The following LRP4 variants were observed in gnomAD, a reference collection of about 807,000 sequenced individuals.
LRP4 encodes low-density lipoprotein receptor-related protein 4.
In LRP4, 95 loss-of-function variants were observed where a neutral mutation model predicts 220.3. The observed-to-expected ratio is 0.43, with a 90% CI of 0.37 to 0.51. The LOEUF (loss-of-function observed/expected upper bound fraction) is 0.51. Among genes scored for constraint, LRP4 ranks in the 20% least tolerant of loss-of-function variants. The pLI is 0.00. For synonymous variants in LRP4, 903 were observed against 954.6 expected (o/e 0.95, Z 1.00); for missense variants, 1,925 against 2,567.0 (o/e 0.75, Z 5.40).
At chr11:46,879,450 T>C in intron 20 of LRP4, 135 bp from the exon 21 acceptor site, 1 of 816,036 alleles carries the variant, frequency 1.2e-6, no homozygotes. Flanking sequence ...GAGCTACTTA[T>C]AAAATCTCTC....
chr11:46,886,367 A>G lies in LRP4; in HGVS notation c.2382T>C (p.Thr794=). Residue 794 remains threonine, a synonymous_variant, in exon 17 of 38, where the codon ACT becomes ACC. Coordinates refer to ENST00000378623, the MANE Select transcript of LRP4 (RefSeq NM_002334.4). ...DDHVYWTDVS[T]DTISRAKWDG... ...CCCACTTGGCCCTGCTGATGGTATC[A>G]GTGCTGACATCTGTCCAGTACACGT... 6.2e-7 allele frequency: 1 copy of G among 1,602,886 alleles called. No homozygotes were observed. Among genetic ancestry groups the G allele is most frequent in the Non-Finnish European group, 8.5e-7 (1 of 1,173,980 alleles).
At chr11:46,864,381 C>T (rs951017532) in intron 36 of LRP4, 67 bp downstream of exon 36, 33 of 1,207,392 alleles carry the variant, frequency 2.7e-5, no homozygotes, top group African/African-American at 7.5e-5. Context: ...TGCAGAGCTT[C>T]GGGAGATCCC....
At chr11:46,907,769 C>A (rs1411401267) in intron 1 of LRP4, among the ~76,000 whole-genome samples, 2 of 152,208 alleles carry the variant, frequency 1.3e-5, no homozygotes, top group Non-Finnish European at 2.9e-5. Flanking sequence ...GGTTCTACCA[C>A]AAATTCCGCA....
rs771474604 is a variant in LRP4, at chr11:46,873,450, T to C, written c.4373A>G (p.Asp1458Gly). 2.5e-6 allele frequency: 4 copies of C among 1,614,182 alleles called. No individual in the cohort carries two copies. The highest frequency in any genetic ancestry group is 1.1e-5 in the South Asian group (1 of 91,086). Residue 1458 changes from aspartate (D) to glycine (G), a missense_variant, in exon 29 of 38, where the codon GAT (aspartate) becomes GGT (glycine). By Grantham distance (94) the Asp-to-Gly change is moderately conservative (BLOSUM62 -1). Coordinates refer to ENST00000378623, the MANE Select transcript of LRP4 (RefSeq NM_002334.4). The surrounding 1 kb of genome is among the most constrained non-coding windows in gnomAD (Gnocchi z 4.2). ...GATCAGTACTTTGCGGCAGGAACCA[T>C]CCAGCCTGGACGCCTCAATGGTATT... ...GRNTIEASRL[D>G]GSCRKVLINN...
intron 1 of LRP4, among the ~76,000 whole-genome samples, chr11:46,915,968 A>G (rs1193357392): frequency 6.6e-6 from 1 of 152,170 alleles, no homozygotes; most frequent in African/African-American, 2.4e-5. Context: ...TGCTGGTTCC[A>G]GGCTCTGAAA....
chr11:46,860,232 T>TA (rs1157208799), intron 37 of LRP4, among the ~76,000 whole-genome samples: 2,818 of 125,396 alleles, frequency 0.022, 87 homozygotes, highest in African/African-American at 0.076. Context: ...AAGATTCCAT[T>TA]AAAAAAAAAA....
intron 13 of LRP4, among the ~76,000 whole-genome samples, chr11:46,892,436 T>C (rs895499831): frequency 6.6e-6 from 1 of 152,150 alleles, no homozygotes; most frequent in African/African-American, 2.4e-5. Context: ...TATTTTTTTT[T>C]AATCACCAAT....
intron 1 of LRP4, among the ~76,000 whole-genome samples, chr11:46,915,584 C>T (rs958474821): frequency 6.6e-6 from 1 of 152,206 alleles, no homozygotes; most frequent in African/African-American, 2.4e-5. Context: ...CACTCTGTCG[C>T]CCCGGCTAGA....
At chr11:46,876,059 T>C in intron 25 of LRP4, 93 bp from the exon 26 acceptor site, 1 of 1,416,474 alleles carries the variant, frequency 7.1e-7, no homozygotes, top group South Asian at 1.2e-5. Context: ...TACACTTGAG[T>C]ACTTACAGTA....
chr11:46,911,417 C>T (rs1941856286), intron 1 of LRP4, among the ~76,000 whole-genome samples: 1 of 151,930 alleles, frequency 6.6e-6, no homozygotes, highest in African/African-American at 2.4e-5. Flanking sequence ...TCAGAAGGTC[C>T]ACACAGTAAC....
In LRP4 at chr11:46,873,912, GTGA is replaced by G; in HGVS notation, c.4230-322_4230-320del. The stretch of plus-strand genomic sequence containing the variant: ...GGGAAGAGACAAGGATTGCTAGGTG[GTGA>G]TGATAAGAAACGCAGATTTGTCAAA... On this transcript the variant is annotated intron_variant, in intron 28 of 37. Coordinates refer to ENST00000378623, the MANE Select transcript of LRP4 (RefSeq NM_002334.4). This position sits in a 1 kb window ranked among gnomAD's most constrained non-coding sequence, Gnocchi z 4.2. 1 of 365,378 alleles carries G rather than the reference GTGA, an allele frequency of 2.7e-6. No individual in the cohort carries two copies. The highest frequency in any genetic ancestry group is 4.9e-6 in the Non-Finnish European group (1 of 202,950). The allele number at this position is 365,378 out of a possible 1,614,324, so 22.6% of individuals were successfully genotyped here.
In LRP4 at chr11:46,875,432, C is replaced by T. The variant is rs367811395; in HGVS notation, c.3925+24G>A. ...CCAGAAAGCCAGAGGCTCTGACTCA[C>T]AGCCCCAGCCCTCTGACTCTCACCT... On this transcript the variant is annotated intron_variant, in intron 27 of 37. Coordinates refer to ENST00000378623, the MANE Select transcript of LRP4 (RefSeq NM_002334.4). The surrounding 1 kb of genome is among the most constrained non-coding windows in gnomAD (Gnocchi z 4.5). 101 of 1,597,076 alleles carry T rather than the reference C, an allele frequency of 6.3e-5. No individual in the cohort carries two copies. The African/African-American group carries it at 1.2e-3, about 20-fold the overall frequency.
At chr11:46,903,078 T>G in intron 1 of LRP4, 149 bp from the exon 2 acceptor site, 1 of 935,944 alleles carries the variant, frequency 1.1e-6, no homozygotes, top group Non-Finnish European at 1.6e-6. Context: ...AGTAAAACCA[T>G]GCCTCCTCCA....
At chr11:46,895,530 G>A (rs936189473) in intron 10 of LRP4, among the ~76,000 whole-genome samples, 2 of 152,060 alleles carry the variant, frequency 1.3e-5, no homozygotes, top group East Asian at 1.9e-4. Context: ...GCAGTGAGCC[G>A]AGATCGCACC....
intron 17 of LRP4, 45 bp downstream of exon 17, chr11:46,886,280 G>A (rs548420723): frequency 1.3e-6 from 2 of 1,591,624 alleles, no homozygotes; most frequent in Non-Finnish European, 1.7e-6. Context: ...CCCTTCCCTG[G>A]AGAGGGTGGA....
At chr11:46,884,477 C>A (rs1014633835) in intron 18 of LRP4, among the ~76,000 whole-genome samples, 14 of 152,024 alleles carry the variant, frequency 9.2e-5, no homozygotes, top group Non-Finnish European at 1.8e-4. Flanking sequence ...TGGCTCACAC[C>A]TGTAATCCCA....
At position 46,895,919 on chromosome 11, in the gene LRP4, C is replaced by T; in HGVS notation, c.1148G>A (p.Gly383Asp). The T allele has an allele frequency of 1.2e-6, 2 of 1,613,850 alleles. No individual in the cohort carries two copies. Among genetic ancestry groups the T allele is most frequent in the Non-Finnish European group, 1.7e-6 (2 of 1,180,008 alleles). ...GTGCCCATCCTCTGTGAGCCGGTAGCCTGTGTGGCAGGTACACTGCACTGC... is the reference window on the plus strand; with the variant it reads ...GTGCCCATCCTCTGTGAGCCGGTAGTCTGTGTGGCAGGTACACTGCACTGC... The part of the protein sequence containing the change: ...RGAVQCTCHT[G>D]YRLTEDGHTC... The change falls in exon 10 of 38, where the codon GGC (glycine) becomes GAC (aspartate). Residue 383 changes from glycine to aspartate, a missense_variant. By Grantham distance (94) the Gly-to-Asp change is moderately conservative. Coordinates refer to ENST00000378623, the MANE Select transcript of LRP4 (RefSeq NM_002334.4).
chr11:46,911,599 AATAAAT>A (rs1565807286), intron 1 of LRP4, among the ~76,000 whole-genome samples: 1 of 104,576 alleles, frequency 9.6e-6, no homozygotes, highest in Non-Finnish European at 2.1e-5. Context: ...AAAAAAAAAA[AATAAAT>A]AAATAAATAA....
intron 7 of LRP4, 32 bp downstream of exon 7, chr11:46,898,526 C>CA: frequency 6.2e-7 from 1 of 1,613,592 alleles, no homozygotes; most frequent in Non-Finnish European, 8.5e-7. Context: ...CTCCTTAGTT[C>CA]AAGCCCAACC....
Sources: allele counts gnomAD v4.1 joint callset (sites outside exome capture counted in the v4.1 genomes callset), GRCh38; gene constraint gnomAD v4.1.1; non-coding constraint Gnocchi (gnomAD v3.1); transcripts MANE v1.5; gene names NCBI Gene and HGNC (gene_info 2026-07-23, HGNC 2026-07-21).